KHDRBS3: variants seen among roughly 807,000 people sequenced by gnomAD.
The protein encoded by KHDRBS3 is KH domain-containing, RNA-binding, signal transduction-associated protein 3.
KHDRBS3 carries 23 observed loss-of-function variants against 45.6 expected under a neutral mutation model. The ratio of observed to expected loss-of-function variants is 0.50; its 90% CI spans 0.36 to 0.72. The LOEUF (loss-of-function observed/expected upper bound fraction) is 0.72, where lower values mean the gene tolerates loss of function less well. KHDRBS3 is among the 30% of genes least tolerant of loss of function. KHDRBS3 has a pLI of 0.00. For synonymous variants in KHDRBS3, 162 were observed against 156.5 expected (o/e 1.04, Z -0.26); for missense variants, 352 against 424.8 (o/e 0.83, Z 1.51).
chr8:135,469,513 T>G (rs1821879303), intron 1 of KHDRBS3, among the ~76,000 whole-genome samples: 1 of 21,556 alleles, frequency 4.6e-5, no homozygotes, highest in African/African-American at 1.3e-4. Context: ...GGTGTTTTTT[T>G]TTTGTTTTGG....
At chr8:135,574,175 G>GTCACCTCCATCATGTTAGCACA (rs1827842840) in intron 5 of KHDRBS3, among the ~76,000 whole-genome samples, 4 of 109,618 alleles carry the variant, frequency 3.6e-5, no homozygotes, top group Non-Finnish European at 6.8e-5. Context: ...ATGTTAGCAC[G>GTCACCTCCATCATGTTAGCACA]TCACCTCCAT....
At position 135,557,664 on chromosome 8, in the gene KHDRBS3, G is replaced by T; in HGVS notation, c.611+77G>T. 3.7e-6 allele frequency: 4 copies of T among 1,068,670 alleles called. 1 individual carries two copies. In the South Asian group the frequency reaches 5.6e-5, roughly 15 times the overall value. 66.2% of individuals were successfully genotyped at this position (1,068,670 alleles called of 1,614,324 possible). A position where few individuals can be genotyped will look rare whatever the true frequency, so the allele number is the denominator to read the frequency against. ...TTTCCTTTATTAGTAGCCAAAACCAGTTCTATCTGAACAAAACTTGTATTC... is the reference window on the plus strand; with the variant it reads ...TTTCCTTTATTAGTAGCCAAAACCATTTCTATCTGAACAAAACTTGTATTC... On this transcript the variant is annotated intron_variant, in intron 5 of 8. Coordinates refer to ENST00000355849, the MANE Select transcript of KHDRBS3 (RefSeq NM_006558.3).
chr8:135,526,884 G>T (rs1563744027), intron 2 of KHDRBS3, among the ~76,000 whole-genome samples: 1 of 150,978 alleles, frequency 6.6e-6, no homozygotes, highest in African/African-American at 2.4e-5. Flanking sequence ...GCTGTTTTAT[G>T]ATTTTTTTAG....
intron 1 of KHDRBS3, among the ~76,000 whole-genome samples, chr8:135,464,825 G>T (rs1454729323): frequency 6.6e-6 from 1 of 152,184 alleles, no homozygotes; most frequent in Non-Finnish European, 1.5e-5. Context: ...AGAACACATA[G>T]CTAGTAACTG....
intron 3 of KHDRBS3, among the ~76,000 whole-genome samples, chr8:135,545,845 A>T (rs1826274529): frequency 6.6e-6 from 1 of 152,198 alleles, no homozygotes; most frequent in African/African-American, 2.4e-5. Context: ...TTTGCAACTT[A>T]AATGGATACT....
Position 135,474,357 on chromosome 8 carries a change from A to G in KHDRBS3, c.88+16403A>G, listed in dbSNP as rs572226387. ...CACCAACTTTGCCTTGAAGCCTGAC[A>G]CATGCAGTATGCATGAATCGAACCA... On this transcript the variant is annotated intron_variant, in intron 1 of 8. Coordinates refer to ENST00000355849, the MANE Select transcript of KHDRBS3 (RefSeq NM_006558.3). Among the ~76,000 whole-genome samples, 5 of 152,326 alleles carry G rather than the reference A, an allele frequency of 3.3e-5. No individual in the cohort carries two copies. The South Asian group carries it at 1.0e-3, about 32-fold the overall frequency.
At position 135,457,987 on chromosome 8, in the gene KHDRBS3, G is replaced by A; in HGVS notation, c.88+33G>A. 1 of 1,552,002 alleles carries A rather than the reference G, an allele frequency of 6.4e-7. No individual in the cohort carries two copies. The highest frequency in any genetic ancestry group is 2.5e-5 in the East Asian group (1 of 40,762). On this transcript the variant is annotated intron_variant, in intron 1 of 8. Transcript: ENST00000355849. The surrounding 1 kb of genome is among the most constrained non-coding windows in gnomAD (Gnocchi z 4.4). The stretch of plus-strand genomic sequence containing the variant: ...GCCGGCCGTTAACTGCCGGCCGGCG[G>A]CGGTTGGGGGCCGGGTGGAAACGCG...
At chr8:135,489,662 CA>C (rs1823040819) in intron 1 of KHDRBS3, among the ~76,000 whole-genome samples, 1 of 151,998 alleles carries the variant, frequency 6.6e-6, no homozygotes. Context: ...GGCCTGGCGA[CA>C]GAGCGAGACT....
chr8:135,579,693 C>T (rs1057313382), intron 5 of KHDRBS3, among the ~76,000 whole-genome samples: 5 of 152,164 alleles, frequency 3.3e-5, no homozygotes, highest in Admixed American at 6.5e-5. Flanking sequence ...TGAATGTCGC[C>T]ATTGGCCGCA....
intron 6 of KHDRBS3, among the ~76,000 whole-genome samples, chr8:135,600,433 G>A (rs1829156754): frequency 6.6e-6 from 1 of 152,172 alleles, no homozygotes; most frequent in Non-Finnish European, 1.5e-5. Context: ...GGATGGGTGT[G>A]AGATAGATTT....
chr8:135,557,784 A>G (rs1826964406), intron 5 of KHDRBS3, among the ~76,000 whole-genome samples, 197 bp downstream of exon 5: 1 of 152,150 alleles, frequency 6.6e-6, no homozygotes, highest in African/African-American at 2.4e-5. Flanking sequence ...GTGCCTGTGA[A>G]TAGCTGCTGC....
intron 2 of KHDRBS3, among the ~76,000 whole-genome samples, chr8:135,536,979 A>G (rs1462499236): frequency 3.9e-5 from 2 of 51,636 alleles, no homozygotes; most frequent in African/African-American, 1.8e-4. Flanking sequence ...AAAAAAAAAA[A>G]AAAAAAAAAA....
chr8:135,555,009 G>GTGGC (rs548312186), intron 4 of KHDRBS3, among the ~76,000 whole-genome samples: 204 of 152,206 alleles, frequency 1.3e-3, no homozygotes, highest in South Asian at 2.7e-3. Context: ...GCTGCCTGCC[G>GTGGC]TTAATTTCTG....
intron 1 of KHDRBS3, among the ~76,000 whole-genome samples, chr8:135,461,617 T>C (rs1821436993): frequency 6.6e-6 from 1 of 152,224 alleles, no homozygotes; most frequent in Admixed American, 6.5e-5. Flanking sequence ...TGACTCTTAC[T>C]AAAAAACATC....
intron 6 of KHDRBS3, among the ~76,000 whole-genome samples, chr8:135,586,962 A>AT (rs1828504427): frequency 6.6e-6 from 1 of 152,182 alleles, no homozygotes; most frequent in Non-Finnish European, 1.5e-5. Flanking sequence ...ATACTCAGTG[A>AT]TTTTCAGATT....
chr8:135,532,486 C>T (rs1201305203), intron 2 of KHDRBS3, among the ~76,000 whole-genome samples: 1 of 152,110 alleles, frequency 6.6e-6, no homozygotes, highest in African/African-American at 2.4e-5. Flanking sequence ...AAGAGGAGTG[C>T]GTGCTAATAC....
At chr8:135,460,591 C>A (rs561929323) in intron 1 of KHDRBS3, among the ~76,000 whole-genome samples, 1 of 152,296 alleles carries the variant, frequency 6.6e-6, no homozygotes, top group Non-Finnish European at 1.5e-5. Context: ...TCAGACCCTG[C>A]AGAAATCAAT....
intron 6 of KHDRBS3, among the ~76,000 whole-genome samples, chr8:135,587,297 T>C (rs1828524294): frequency 6.6e-6 from 1 of 152,216 alleles, no homozygotes; most frequent in African/African-American, 2.4e-5. Flanking sequence ...CAAATACATC[T>C]ATTTGACTTT....
chr8:135,533,599 A>G (rs1334786081), intron 2 of KHDRBS3, among the ~76,000 whole-genome samples: 1 of 152,202 alleles, frequency 6.6e-6, no homozygotes, highest in Non-Finnish European at 1.5e-5. Context: ...GTAATAACCT[A>G]TAGGTAGTAT....
Sources: allele counts gnomAD v4.1 joint callset (sites outside exome capture counted in the v4.1 genomes callset), GRCh38; gene constraint gnomAD v4.1.1; non-coding constraint Gnocchi (gnomAD v3.1); transcripts MANE v1.5; gene names NCBI Gene and HGNC (gene_info 2026-07-23, HGNC 2026-07-21).